BUB1B: variants seen among roughly 807,000 people sequenced by gnomAD.
The protein encoded by BUB1B is mitotic checkpoint serine/threonine-protein kinase BUB1 beta.
Under a neutral mutation model 137.7 loss-of-function variants are expected in BUB1B, and 86 were observed. The observed-to-expected ratio is 0.62, with a 90% CI of 0.52 to 0.75. The LOEUF (loss-of-function observed/expected upper bound fraction) is 0.75. Ranked by LOEUF, BUB1B falls within the 30% of genes least tolerant of loss-of-function variation. The probability of loss-of-function intolerance (pLI) is 0.00; values close to 1 mark genes in which losing one functional copy is unlikely to be tolerated. For synonymous variants in BUB1B, 420 were observed against 417.9 expected (o/e 1.00, Z -0.06); for missense variants, 1,130 against 1,236.9 (o/e 0.91, Z 1.30).
At chr15:40,202,814 C>G (rs1005912513) in intron 14 of BUB1B, 120 bp downstream of exon 14, 4 of 852,508 alleles carry the variant, frequency 4.7e-6, no homozygotes, top group Non-Finnish European at 7.9e-6. Flanking sequence ...AAAAGATGCT[C>G]AGCATTACTA....
chr15:40,215,143 T>A (rs1332256189), intron 20 of BUB1B, among the ~76,000 whole-genome samples: 2 of 150,688 alleles, frequency 1.3e-5, no homozygotes, highest in African/African-American at 5.0e-5. Flanking sequence ...TCAAATTTAA[T>A]CAGAAATTTC....
intron 8 of BUB1B, among the ~76,000 whole-genome samples, chr15:40,192,416 T>C (rs572230516): frequency 6.6e-6 from 1 of 152,346 alleles, no homozygotes; most frequent in South Asian, 2.1e-4. Flanking sequence ...GTTCTTTGTT[T>C]ACATTAGGAT....
rs774353130 is a variant in BUB1B, at chr15:40,170,111, G to A, written c.229G>A (p.Val77Ile). Residue 77 changes from valine to isoleucine, a missense_variant, in exon 3 of 23, where the codon GTT becomes ATT. Val to Ile is a conservative substitution (Grantham distance 29, BLOSUM62 3). Transcript: ENST00000287598. ...TTACACTGGAAATGACCCTCTGGATGTTTGGGATAGGTGGGTCTTTTTATT... is the reference window on the plus strand; with the variant it reads ...TTACACTGGAAATGACCCTCTGGATATTTGGGATAGGTGGGTCTTTTTATT... The part of the protein sequence containing the change: ...RFYTGNDPLD[V>I]WDRYISWTEQ... 25 of 1,613,478 alleles carry A rather than the reference G, an allele frequency of 1.5e-5. No homozygotes were observed. The Middle Eastern group carries it at 6.6e-4, about 43-fold the overall frequency.
At chr15:40,173,295 TAAAAAAAAAAAAA>T (rs61078619) in intron 4 of BUB1B, among the ~76,000 whole-genome samples, 1 of 85,898 alleles carries the variant, frequency 1.2e-5, no homozygotes, top group Admixed American at 1.4e-4. Flanking sequence ...GAAAAAAAGA[TAAAAAAAAAAAAA>T]AAAAAAAAAG....
intron 5 of BUB1B, among the ~76,000 whole-genome samples, chr15:40,182,994 T>C (rs1003458324): frequency 1.3e-5 from 2 of 152,136 alleles, no homozygotes; most frequent in African/African-American, 4.8e-5. Flanking sequence ...TTAATTCCTA[T>C]CAGTGAGAGA....
At chr15:40,183,589 T>C in intron 5 of BUB1B, 125 bp from the exon 6 acceptor site, 2 of 840,536 alleles carry the variant, frequency 2.4e-6, no homozygotes, top group South Asian at 1.4e-5. Flanking sequence ...AACATGTTCT[T>C]TGGGATATTT....
chr15:40,209,731 A>T lies in BUB1B; in HGVS notation c.2240A>T (p.Asp747Val). Residue 747 changes from aspartate (D) to valine (V), a missense_variant, in exon 17 of 23, where the codon GAC becomes GTC. By Grantham distance (152) the Asp-to-Val change is radical. Transcript: ENST00000287598. ...LSASAELCIE[D>V]RPMPKLEIEK... The stretch of plus-strand genomic sequence containing the variant: ...GCCTCTGCAGAGTTGTGTATAGAAG[A>T]CAGACCAATGCCTAAGTTGGAAATT... 1 of 1,614,192 alleles carries T rather than the reference A, an allele frequency of 6.2e-7. No individual in the cohort carries two copies. The highest frequency in any genetic ancestry group is 8.5e-7 in the Non-Finnish European group (1 of 1,180,036).
chr15:40,186,605 C>A (rs939435991), intron 8 of BUB1B, among the ~76,000 whole-genome samples: 14 of 151,162 alleles, frequency 9.3e-5, no homozygotes, highest in African/African-American at 3.4e-4. Flanking sequence ...CCACCACGCC[C>A]AGCTAATTTT....
intron 15 of BUB1B, 85 bp from the exon 16 acceptor site, chr15:40,208,552 A>C (rs2037666126): frequency 3.6e-6 from 5 of 1,370,546 alleles, no homozygotes; most frequent in Non-Finnish European, 5.0e-6. Context: ...AAAAAGAAAA[A>C]TGTATACATT....
In BUB1B at chr15:40,210,110, G is replaced by T; in HGVS notation, c.2285G>T (p.Gly762Val). The change falls in exon 18 of 23, where the codon GGT (glycine) becomes GTT (valine). Residue 762 changes from glycine to valine, a missense_variant and splice_region_variant. By Grantham distance (109) the Gly-to-Val change is moderately radical. Transcript: ENST00000287598. ...KLEIEKEIEL[G>V]NEDYCIKREY... Reference sequence around the variant, plus strand: ...AAATGGAATCAAACTTTCTCAACAGGTAATGAGGATTACTGCATTAAACGA... The same window carrying T: ...AAATGGAATCAAACTTTCTCAACAGTTAATGAGGATTACTGCATTAAACGA... 1 of 1,599,970 alleles carries T rather than the reference G, an allele frequency of 6.3e-7. No individual in the cohort carries two copies. The highest frequency in any genetic ancestry group is 1.1e-5 in the South Asian group (1 of 90,784).
chr15:40,204,629 A>G (rs2037614364), intron 14 of BUB1B, among the ~76,000 whole-genome samples: 1 of 151,160 alleles, frequency 6.6e-6, no homozygotes, highest in Non-Finnish European at 1.5e-5. Flanking sequence ...ATATATGTAT[A>G]TATATATTTT....
chr15:40,213,776 G>GCCC (rs2037742921), intron 20 of BUB1B, among the ~76,000 whole-genome samples: 1 of 152,170 alleles, frequency 6.6e-6, no homozygotes, highest in African/African-American at 2.4e-5. Flanking sequence ...GGCCTCAAGT[G>GCCC]ATCTGCCCAC....
Position 40,206,222 on chromosome 15 carries a change from C to T in BUB1B, c.1773C>T (p.Ala591=). ...FTGIEPLSED[A]IITGFRNVTI... ...GAATTGAACCCTTGAGCGAGGATGC[C>T]ATTATCACAGGCTTCAGAAATGTAA... The change falls in exon 15 of 23, where the codon GCC becomes GCT. Residue 591 remains alanine, a synonymous_variant. Transcript: ENST00000287598. 2 of 1,614,114 alleles carry T rather than the reference C, an allele frequency of 1.2e-6. No homozygotes were observed. The highest frequency in any genetic ancestry group is 1.7e-6 in the Non-Finnish European group (2 of 1,180,018).
intron 8 of BUB1B, among the ~76,000 whole-genome samples, chr15:40,190,829 C>G (rs942825757): frequency 6.6e-6 from 1 of 151,842 alleles, no homozygotes; most frequent in African/African-American, 2.4e-5. Flanking sequence ...GATTCACATC[C>G]TAGGTGGAAC....
chr15:40,161,771 C>G (rs964696506), intron 1 of BUB1B, among the ~76,000 whole-genome samples: 2 of 152,088 alleles, frequency 1.3e-5, no homozygotes, highest in African/African-American at 2.4e-5. Flanking sequence ...ATCTAAAAGC[C>G]TTTTTCTGCA....
intron 5 of BUB1B, 69 bp downstream of exon 5, chr15:40,176,742 G>C: frequency 2.0e-6 from 3 of 1,512,134 alleles, no homozygotes; most frequent in Non-Finnish European, 2.7e-6. Context: ...TTTTGCATCT[G>C]AATAAAGTGC....
intron 15 of BUB1B, among the ~76,000 whole-genome samples, chr15:40,207,569 G>A (rs570435505): frequency 1.6e-4 from 25 of 152,238 alleles, no homozygotes; most frequent in African/African-American, 6.0e-4. Context: ...CCAGAGAAAG[G>A]ATAAAGAGGA....
Position 40,213,481 on chromosome 15 carries a change from C to G in BUB1B, c.2678+7C>G. 2.5e-6 allele frequency: 4 copies of G among 1,613,888 alleles called. No individual in the cohort carries two copies. Among genetic ancestry groups the G allele is most frequent in the Non-Finnish European group, 3.4e-6 (4 of 1,179,968 alleles). On this transcript the variant is annotated splice_region_variant and intron_variant, in intron 20 of 22. Transcript: ENST00000287598. ...GTCTGATTCTCAGAAACAGGTTGGTCCTTTTCATTCTTATAATTCTGCCAG... is the reference window on the plus strand; with the variant it reads ...GTCTGATTCTCAGAAACAGGTTGGTGCTTTTCATTCTTATAATTCTGCCAG...
intron 4 of BUB1B, among the ~76,000 whole-genome samples, chr15:40,171,426 A>C (rs2037161344): frequency 6.6e-6 from 1 of 152,074 alleles, no homozygotes; most frequent in Non-Finnish European, 1.5e-5. Context: ...CAGCACCTGT[A>C]GTCCCAGCTA....
Sources: gnomAD v4.1 joint callset for allele counts (sites outside exome capture counted in the v4.1 genomes callset) on GRCh38, gnomAD v4.1.1 for gene constraint, MANE v1.5 for transcripts, NCBI Gene and HGNC (gene_info 2026-07-23, HGNC 2026-07-21) for gene names.